CECR2: variants seen among roughly 807,000 people sequenced by gnomAD.
CECR2 encodes the protein chromatin remodeling regulator CECR2.
Under a neutral mutation model 154.5 loss-of-function variants are expected in CECR2, and 30 were observed. That is an observed-to-expected ratio of 0.19 (90% confidence interval 0.15 to 0.26). The LOEUF (loss-of-function observed/expected upper bound fraction) is 0.26, where lower values mean the gene tolerates loss of function less well. Ranked by LOEUF, CECR2 falls within the 10% of genes least tolerant of loss-of-function variation. CECR2 has a pLI of 1.00. For missense variants in CECR2, 1,743 were observed against 1,829.3 expected (o/e 0.95, Z 0.86); for synonymous variants, 725 against 683.7 (o/e 1.06, Z -0.94).
intron 1 of CECR2, among the ~76,000 whole-genome samples, chr22:17,394,982 A>T (rs567446451): frequency 8.0e-4 from 122 of 152,302 alleles, no homozygotes; most frequent in African/African-American, 2.8e-3. Flanking sequence ...AATACATCAA[A>T]TGCATTCCTT....
chr22:17,483,226 A>G (rs890679921), intron 2 of CECR2, among the ~76,000 whole-genome samples: 3 of 152,222 alleles, frequency 2.0e-5, no homozygotes, highest in African/African-American at 7.2e-5. Flanking sequence ...AATGTAAAAA[A>G]CAAAAAATTT....
At position 17,544,497 on chromosome 22, in the gene CECR2, C is replaced by CAAA. The variant is rs34885224; in HGVS notation, c.2860+1512_2860+1514dup. On this transcript the variant is annotated intron_variant, in intron 16 of 18. Transcript: ENST00000262608. The stretch of plus-strand genomic sequence containing the variant: ...TGGGCGACAGAGCGAGACTCCATCT[C>CAAA]AAAAAAAAAAAAAAAAAAAAGTTAA... Among the ~76,000 whole-genome samples, 188 of 57,334 alleles carry CAAA rather than the reference C, an allele frequency of 3.3e-3. 6 individuals carry two copies. The highest frequency in any genetic ancestry group is 0.01 in the African/African-American group (159 of 15,210). 37.6% of individuals were successfully genotyped at this position (57,334 alleles called of 152,430 possible).
rs186056580 is a variant in CECR2, at chr22:17,373,250, T to C, written c.126+3341T>C. 5.4e-3 allele frequency among the ~76,000 whole-genome samples: 822 copies of C among 152,194 alleles called. 6 individuals are homozygous for C. Among genetic ancestry groups the C allele is most frequent in the African/African-American group, 0.018 (757 of 41,522 alleles). On this transcript the variant is annotated intron_variant, in intron 1 of 18. Coordinates refer to ENST00000262608, the MANE Select transcript of CECR2 (RefSeq NM_001290047.2). Reference sequence around the variant, plus strand: ...GCTAATTTTTGTATTATAAAAAAACTTTTTACTCTATTAATCAACCTTGAA... The same window carrying C: ...GCTAATTTTTGTATTATAAAAAAACCTTTTACTCTATTAATCAACCTTGAA...
intron 1 of CECR2, among the ~76,000 whole-genome samples, chr22:17,453,068 A>G (rs1184544567): frequency 1.3e-5 from 2 of 152,192 alleles, no homozygotes; most frequent in Admixed American, 1.3e-4. Flanking sequence ...CCTCATGACC[A>G]CATTCTGGTA....
Position 17,549,091 on chromosome 22 carries a change from A to G in CECR2, c.3804A>G (p.Lys1268=), listed in dbSNP as rs2056664078. 6.2e-7 allele frequency: 1 copy of G among 1,614,044 alleles called. No individual in the cohort carries two copies. Among genetic ancestry groups the G allele is most frequent in the East Asian group, 2.2e-5 (1 of 44,884 alleles). Residue 1268 remains lysine, a synonymous_variant, in exon 17 of 19, where the codon AAA becomes AAG. Coordinates refer to ENST00000262608, the MANE Select transcript of CECR2 (RefSeq NM_001290047.2). ...SPTRMDAVAA[K]VPNDGQNPGP... ...CCCGTATGGATGCAGTGGCTGCTAA[A>G]GTCCCAAATGACGGGCAGAATCCTG...
At position 17,542,356 on chromosome 22, in the gene CECR2, A is replaced by G. The variant is rs754048814; in HGVS notation, c.2213A>G (p.His738Arg). 6.8e-6 allele frequency: 11 copies of G among 1,613,700 alleles called. No homozygotes were observed. The African/African-American group carries it at 1.3e-4, about 20-fold the overall frequency. Reference protein sequence around the residue: ...QFQPGFIPPRHGGAPARPPDF... With the variant: ...QFQPGFIPPRRGGAPARPPDF... ...CAGCCAGGATTCATTCCTCCCCGGC[A>G]TGGGGGGGCTCCAGCCCGGCCACCA... is the stretch of plus-strand genomic sequence containing the variant. Residue 738 changes from histidine (H) to arginine (R), a missense_variant, in exon 16 of 19, where the codon CAT (histidine) becomes CGT (arginine). His to Arg is a conservative substitution (Grantham distance 29). This residue lies in a region of CECR2 where 1,250 missense variants were observed against 1,192.1 expected (regional missense o/e 1.05). Transcript: ENST00000262608.
intron 1 of CECR2, among the ~76,000 whole-genome samples, chr22:17,382,117 C>T (rs368861543): frequency 4.5e-4 from 68 of 151,740 alleles, no homozygotes; most frequent in African/African-American, 1.5e-3. Context: ...GTCTTGATCT[C>T]CTGACCTTGT....
At chr22:17,414,171 A>G (rs572623255) in intron 1 of CECR2, among the ~76,000 whole-genome samples, 9 of 150,618 alleles carry the variant, frequency 6.0e-5, no homozygotes, top group South Asian at 2.1e-4. Context: ...ATGGGATTTC[A>G]CTGTGTTAGC....
At chr22:17,428,895 G>C (rs1160865593) in intron 1 of CECR2, among the ~76,000 whole-genome samples, 1 of 151,984 alleles carries the variant, frequency 6.6e-6, no homozygotes, top group Non-Finnish European at 1.5e-5. Flanking sequence ...GTGCTCAAGA[G>C]AGACAAATGT....
At chr22:17,389,985 T>A (rs1194500054) in intron 1 of CECR2, among the ~76,000 whole-genome samples, 1 of 152,160 alleles carries the variant, frequency 6.6e-6, no homozygotes, top group African/African-American at 2.4e-5. Context: ...TAATACTGAG[T>A]AAGATCTGTA....
intron 1 of CECR2, among the ~76,000 whole-genome samples, chr22:17,468,991 T>C (rs1359076814): frequency 6.6e-6 from 1 of 152,066 alleles, no homozygotes; most frequent in Non-Finnish European, 1.5e-5. Context: ...AGGAAATCAC[T>C]TTCTTGATAA....
At chr22:17,483,595 GA>G (rs932395878) in intron 2 of CECR2, among the ~76,000 whole-genome samples, 2 of 149,720 alleles carry the variant, frequency 1.3e-5, no homozygotes, top group South Asian at 2.1e-4. Context: ...CTACAGAGCA[GA>G]AAAAAAAAGA....
intron 1 of CECR2, chr22:17,419,540 AGAGGAAGAGGAG>A (rs1460652707): frequency 1.0e-5 from 2 of 199,778 alleles, no homozygotes; most frequent in East Asian, 1.3e-4. Flanking sequence ...AGGAAGAGGA[AGAGGAAGAGGAG>A]GAGGAGGAGG....
At chr22:17,362,631 C>T (rs886100022) in intron 1 of CECR2, among the ~76,000 whole-genome samples, 1 of 151,770 alleles carries the variant, frequency 6.6e-6, no homozygotes, top group Admixed American at 6.6e-5. Flanking sequence ...TGGCTGGGCT[C>T]GGTGGCTCAC....
At chr22:17,409,129 T>TG in intron 1 of CECR2, among the ~76,000 whole-genome samples, 1 of 151,832 alleles carries the variant, frequency 6.6e-6, no homozygotes, top group African/African-American at 2.4e-5. Context: ...TTCTTGTTTT[T>TG]TTTTGTTTGT....
At chr22:17,503,284 A>G (rs2055773440) in intron 6 of CECR2, among the ~76,000 whole-genome samples, 153 bp downstream of exon 6, 2 of 152,126 alleles carry the variant, frequency 1.3e-5, no homozygotes, top group South Asian at 2.1e-4. Flanking sequence ...TCCTCCTCAC[A>G]CCTTATCCTG....
At position 17,506,251 on chromosome 22, in the gene CECR2, C is replaced by T. The variant is rs138589195; in HGVS notation, c.870+1235C>T. On this transcript the variant is annotated intron_variant, in intron 7 of 18. Coordinates refer to ENST00000262608, the MANE Select transcript of CECR2 (RefSeq NM_001290047.2). ...ATCTCCCAGGCCGAAGTGATCCTCTCGAGTAGCTGGGCCTGCAGGCACATG... is the reference window on the plus strand; with the variant it reads ...ATCTCCCAGGCCGAAGTGATCCTCTTGAGTAGCTGGGCCTGCAGGCACATG... Among the ~76,000 whole-genome samples the T allele has an allele frequency of 2.5e-3, 380 of 152,226 alleles. 4 individuals are homozygous for T. Among genetic ancestry groups the T allele is most frequent in the African/African-American group, 8.6e-3 (356 of 41,538 alleles).
At chr22:17,438,107 TTAGC>T (rs1487490771) in intron 1 of CECR2, among the ~76,000 whole-genome samples, 1 of 152,236 alleles carries the variant, frequency 6.6e-6, no homozygotes, top group Non-Finnish European at 1.5e-5. Flanking sequence ...ATGCATTTCT[TTAGC>T]AAGCTGAATA....
rs535272320 is a variant in CECR2 at position 17,434,965 on chromosome 22, T to C, written c.127-42623T>C. ...AAGTACGAGCTAACCTGCTCCTCATTGATGTAGGGCTAATGTCGAAACTCA... is the reference window on the plus strand; with the variant it reads ...AAGTACGAGCTAACCTGCTCCTCATCGATGTAGGGCTAATGTCGAAACTCA... On this transcript the variant is annotated intron_variant, in intron 1 of 18. Transcript: ENST00000262608. Among the ~76,000 whole-genome samples, 5 of 152,114 alleles carry C rather than the reference T, an allele frequency of 3.3e-5. No homozygotes were observed. In the South Asian group the frequency reaches 1.0e-3, roughly 32 times the overall value.
Sources: allele counts gnomAD v4.1 joint callset (sites outside exome capture counted in the v4.1 genomes callset), GRCh38; gene constraint gnomAD v4.1.1; regional missense constraint gnomAD v4.1.1; transcripts MANE v1.5; gene names NCBI Gene and HGNC (gene_info 2026-07-23, HGNC 2026-07-21).